The following SNX29 variants were observed in gnomAD, a reference collection of about 807,000 sequenced individuals.
SNX29 encodes sorting nexin 29.
Under a neutral mutation model 102.1 loss-of-function variants are expected in SNX29, and 78 were observed. The observed-to-expected ratio is 0.76, with a 90% confidence interval of 0.64 to 0.92. SNX29 has a LOEUF of 0.92. Among genes scored for constraint, SNX29 ranks in the 40% least tolerant of loss-of-function variants. SNX29 has a pLI of 0.00. For synonymous variants in SNX29, 580 were observed against 414.5 expected (o/e 1.40, Z -4.85); for missense variants, 1,280 against 1,061.7 (o/e 1.21, Z -2.86).
intron 20 of SNX29, among the ~76,000 whole-genome samples, chr16:12,530,855 C>T (rs1269693736): frequency 6.6e-6 from 1 of 152,188 alleles, no homozygotes; most frequent in African/African-American, 2.4e-5. Context: ...CGTGCCTGGC[C>T]ACCTTTCTTA....
intron 20 of SNX29, among the ~76,000 whole-genome samples, chr16:12,538,788 G>C (rs1050540246): frequency 6.6e-6 from 1 of 152,152 alleles, no homozygotes; most frequent in Non-Finnish European, 1.5e-5. Flanking sequence ...ATCGCCAAGG[G>C]GGATTACAAG....
At chr16:12,077,038 C>T (rs937735071) in intron 10 of SNX29, among the ~76,000 whole-genome samples, 2 of 152,076 alleles carry the variant, frequency 1.3e-5, no homozygotes. Flanking sequence ...CTTTGGGAGG[C>T]CAAGGTGGGA....
intron 10 of SNX29, among the ~76,000 whole-genome samples, chr16:12,074,949 G>A (rs1009152786): frequency 2.6e-5 from 4 of 152,036 alleles, no homozygotes; most frequent in African/African-American, 9.7e-5. Context: ...TCTTCCAGTT[G>A]ATCGCATCGG....
At chr16:12,124,324 C>T (rs1397292998) in intron 11 of SNX29, among the ~76,000 whole-genome samples, 1 of 151,202 alleles carries the variant, frequency 6.6e-6, no homozygotes, top group African/African-American at 2.4e-5. Context: ...CCACTGCACT[C>T]CATCCTGGGT....
At position 12,568,695 on chromosome 16, in the gene SNX29, G is replaced by T. The variant is rs181563696; in HGVS notation, c.*66G>T. The T allele has an allele frequency of 2.5e-6, 4 of 1,573,370 alleles. No homozygotes were observed. The highest frequency in any genetic ancestry group is 4.5e-5 in the East Asian group (2 of 44,066). The stretch of plus-strand genomic sequence containing the variant: ...AGCTGCGTCCACCCCAGCCACTGCC[G>T]CTGGCCCCTCACCTCAGCGTGACAA... On this transcript the variant is annotated 3_prime_UTR_variant, in exon 21 of 21. Transcript: ENST00000566228.
chr16:12,048,699 A>G, intron 7 of SNX29, 79 bp downstream of exon 7: 4 of 1,611,668 alleles, frequency 2.5e-6, no homozygotes, highest in Non-Finnish European at 3.4e-6. Context: ...TTGTCATCTG[A>G]AAGTCATTCC....
At chr16:12,162,113 C>G (rs889920822) in intron 13 of SNX29, among the ~76,000 whole-genome samples, 1 of 152,180 alleles carries the variant, frequency 6.6e-6, no homozygotes, top group African/African-American at 2.4e-5. Context: ...CGGGCTTTGA[C>G]TGAAACACCA....
intron 15 of SNX29, among the ~76,000 whole-genome samples, chr16:12,341,444 G>C (rs1251205184): frequency 6.6e-6 from 1 of 152,196 alleles, no homozygotes; most frequent in Non-Finnish European, 1.5e-5. Flanking sequence ...GGAAGATACA[G>C]GGTTGTCAAG....
At chr16:12,314,562 T>G (rs2080670167) in intron 15 of SNX29, among the ~76,000 whole-genome samples, 1 of 152,270 alleles carries the variant, frequency 6.6e-6, no homozygotes, top group Non-Finnish European at 1.5e-5. Context: ...AGTTAGTGTT[T>G]ATGAATAGGC....
chr16:12,305,349 A>G (rs1596834129), intron 15 of SNX29, among the ~76,000 whole-genome samples: 2 of 152,358 alleles, frequency 1.3e-5, no homozygotes, highest in African/African-American at 2.4e-5. Flanking sequence ...GAGCAGGGCA[A>G]GGCTAAGGCA....
intron 2 of SNX29, among the ~76,000 whole-genome samples, 180 bp from the exon 3 acceptor site, chr16:12,002,811 G>C (rs2056333930): frequency 6.6e-6 from 1 of 152,182 alleles, no homozygotes; most frequent in Non-Finnish European, 1.5e-5. Flanking sequence ...TTCAAGGCTG[G>C]GGTGCGCACC....
chr16:12,149,258 G>A (rs1423723434), intron 13 of SNX29, among the ~76,000 whole-genome samples: 2 of 152,206 alleles, frequency 1.3e-5, no homozygotes, highest in African/African-American at 4.8e-5. Flanking sequence ...AGGGGAGAAA[G>A]TGTGTGCCAA....
chr16:12,570,065 T>G lies in SNX29; in HGVS notation c.*1436T>G. The G allele has an allele frequency of 6.3e-6, 4 of 639,312 alleles. No homozygotes were observed. Among genetic ancestry groups the G allele is most frequent in the Non-Finnish European group, 6.1e-6 (3 of 490,584 alleles). 39.6% of individuals were successfully genotyped at this position (639,312 alleles called of 1,614,324 possible). On this transcript the variant is annotated 3_prime_UTR_variant, in exon 21 of 21. Transcript: ENST00000566228. ...TAGGCTCGAGGACATCTCTGGAGAA[T>G]CATCTGGAAGGTTTATACTGTGCCT...
intron 18 of SNX29, among the ~76,000 whole-genome samples, chr16:12,466,215 G>A (rs1014124829): frequency 2.0e-5 from 3 of 152,136 alleles, no homozygotes; most frequent in Non-Finnish European, 2.9e-5. Context: ...CTCTCTATTT[G>A]CAGATGATAT....
chr16:12,548,595 C>T (rs535292944), intron 20 of SNX29, among the ~76,000 whole-genome samples: 5 of 152,286 alleles, frequency 3.3e-5, no homozygotes, highest in Admixed American at 2.0e-4. Context: ...CCACTCCAGG[C>T]CCGGGTACTC....
chr16:12,416,201 G>A (rs2084629148), intron 18 of SNX29, among the ~76,000 whole-genome samples: 1 of 152,020 alleles, frequency 6.6e-6, no homozygotes, highest in African/African-American at 2.4e-5. Context: ...CTCCTTAAAC[G>A]TCGAGTCCCT....
intron 19 of SNX29, among the ~76,000 whole-genome samples, chr16:12,491,810 G>A (rs989935537): frequency 1.4e-4 from 22 of 152,118 alleles, no homozygotes; most frequent in African/African-American, 5.3e-4. Flanking sequence ...ATAGTTTGCT[G>A]AGAATGGTGG....
At chr16:12,540,776 G>A (rs1024389942) in intron 20 of SNX29, among the ~76,000 whole-genome samples, 2 of 152,218 alleles carry the variant, frequency 1.3e-5, no homozygotes, top group East Asian at 3.8e-4. Context: ...CCCCTAGAGT[G>A]TCAGGTGCTT....
chr16:12,200,815 C>G (rs2076896512), intron 14 of SNX29, among the ~76,000 whole-genome samples: 1 of 152,172 alleles, frequency 6.6e-6, no homozygotes, highest in African/African-American at 2.4e-5. Flanking sequence ...CAAACCTGCA[C>G]TGAATTCATG....
Sources: gnomAD v4.1 joint callset for allele counts (sites outside exome capture counted in the v4.1 genomes callset) on GRCh38, gnomAD v4.1.1 for gene constraint, MANE v1.5 for transcripts, NCBI Gene and HGNC (gene_info 2026-07-23, HGNC 2026-07-21) for gene names.